Variants in TENM3 observed in about 807,000 individuals in gnomAD.
TENM3 encodes the protein teneurin transmembrane protein 3, also known as teneurin-3.
In TENM3, 63 loss-of-function variants were observed where a neutral mutation model predicts 255.1. The observed-to-expected ratio is 0.25, with a 90% CI of 0.20 to 0.30. The LOEUF is 0.30. TENM3 is among the 10% of genes least tolerant of loss of function. The pLI, the probability that TENM3 is intolerant of heterozygous loss-of-function variation, is 1.00. For missense variants in TENM3, 2,929 were observed against 3,461.1 expected, an observed-to-expected ratio of 0.85 and a Z score of 3.86; for synonymous variants, 1,306 against 1,322.3, an observed-to-expected ratio of 0.99 and a Z score of 0.27.
chr4:181,579,428 C>T, the TENM3 span, among the ~76,000 whole-genome samples: 8 of 152,118 alleles, frequency 5.3e-5, no homozygotes, highest in Non-Finnish European at 1.2e-4. Flanking sequence ...TACTTTTTCC[C>T]ATAATATTCC....
At chr4:181,769,593 A>C in the TENM3 span, among the ~76,000 whole-genome samples, 1 of 152,244 alleles carries the variant, frequency 6.6e-6, no homozygotes, top group South Asian at 2.1e-4. Flanking sequence ...TCAATGGGTT[A>C]AAACATTAAA....
chr4:182,705,239 C>T (rs929887131), intron 12 of TENM3, among the ~76,000 whole-genome samples: 5 of 152,178 alleles, frequency 3.3e-5, no homozygotes, highest in African/African-American at 9.7e-5. Context: ...ATGATACCTA[C>T]TTACAACTTT....
At chr4:181,567,450 A>G in the TENM3 span, among the ~76,000 whole-genome samples, 1 of 152,232 alleles carries the variant, frequency 6.6e-6, no homozygotes, top group Non-Finnish European at 1.5e-5. Context: ...TAACTCTAAC[A>G]TAAATTATTT....
the TENM3 span, among the ~76,000 whole-genome samples, chr4:181,767,727 T>C: frequency 6.6e-6 from 1 of 152,146 alleles, no homozygotes; most frequent in East Asian, 1.9e-4. Flanking sequence ...ACCACAGTTT[T>C]GGGAAATATT....
At chr4:181,596,162 C>A in the TENM3 span, among the ~76,000 whole-genome samples, 3 of 152,134 alleles carry the variant, frequency 2.0e-5, no homozygotes, top group African/African-American at 7.2e-5. Context: ...TAACTGAAGT[C>A]TTGTTTTTGT....
At chr4:182,200,152 TA>T (rs1320743506) in intron 1 of TENM3, among the ~76,000 whole-genome samples, 1 of 152,106 alleles carries the variant, frequency 6.6e-6, no homozygotes, top group African/African-American at 2.4e-5. Context: ...AAATGATACA[TA>T]GGGGGCGGAA....
At chr4:182,140,996 C>A (rs952459911), upstream of TENM3, among the ~76,000 whole-genome samples, 1 of 150,110 alleles carries the variant, frequency 6.7e-6, no homozygotes, top group Non-Finnish European at 1.5e-5. Flanking sequence ...TCCCTCCCCC[C>A]CGCCCCCCAG....
the TENM3 span, among the ~76,000 whole-genome samples, chr4:181,757,431 G>C: frequency 6.6e-6 from 1 of 152,188 alleles, no homozygotes; most frequent in African/African-American, 2.4e-5. Context: ...GTCCAAAAGG[G>C]AAGGTGTAAT....
chr4:181,957,062 G>A, the TENM3 span, among the ~76,000 whole-genome samples: 5 of 152,068 alleles, frequency 3.3e-5, no homozygotes, highest in African/African-American at 1.2e-4. Context: ...GATTTCAGTT[G>A]GCATTGCTGG....
chr4:181,818,107 ACTCTT>A, the TENM3 span, among the ~76,000 whole-genome samples: 1 of 151,868 alleles, frequency 6.6e-6, no homozygotes, highest in Non-Finnish European at 1.5e-5. Flanking sequence ...TAGTTGTACT[ACTCTT>A]CTGGGATTGA....
chr4:182,029,624 A>T, the TENM3 span, among the ~76,000 whole-genome samples: 1 of 152,106 alleles, frequency 6.6e-6, no homozygotes, highest in East Asian at 1.9e-4. Flanking sequence ...CTTGAAATCT[A>T]TTTTGTCTGA....
the TENM3 span, among the ~76,000 whole-genome samples, chr4:181,810,479 G>A: frequency 1.3e-5 from 2 of 151,810 alleles, no homozygotes; most frequent in Non-Finnish European, 2.9e-5. Flanking sequence ...TTTCTGCTTG[G>A]GGGGTAGTGA....
rs758005185 is a variant in TENM3, at chr4:182,752,068, T to C, written c.3862+36T>C. The C allele has an allele frequency of 2.5e-5, 31 of 1,227,186 alleles. No individual in the cohort carries two copies. The South Asian group carries it at 5.4e-4, about 21-fold the overall frequency. 76.0% of individuals were successfully genotyped at this position (1,227,186 alleles called of 1,614,324 possible). A position where few individuals can be genotyped will look rare whatever the true frequency, so the allele number is the denominator to read the frequency against. On this transcript the variant is annotated intron_variant, in intron 20 of 27. Transcript: ENST00000511685. ...TTGGCGATTTGAGGATTTCTTTTTA[T>C]TTATTAAAAAAAAAAAAAAAGGGGT... is the stretch of plus-strand genomic sequence containing the variant.
At chr4:181,709,494 A>G in the TENM3 span, among the ~76,000 whole-genome samples, 4 of 152,240 alleles carry the variant, frequency 2.6e-5, no homozygotes, top group Non-Finnish European at 5.9e-5. Context: ...CTAAAAGTTT[A>G]ATAGTGAACA....
At chr4:182,795,896 CT>C in intron 26 of TENM3, among the ~76,000 whole-genome samples, 1 of 152,350 alleles carries the variant, frequency 6.6e-6, no homozygotes, top group Admixed American at 6.5e-5. Flanking sequence ...TGCAAGCCTG[CT>C]GAGTAGTTCT....
At position 182,461,842 on chromosome 4, in the gene TENM3, T is replaced by G. The variant is rs568976558; in HGVS notation, c.511+114913T>G. On this transcript the variant is annotated intron_variant, in intron 3 of 27. Coordinates refer to ENST00000511685, the MANE Select transcript of TENM3 (RefSeq NM_001080477.4). ...ATGAGACCCAGAAAGACCAAGTGAC[T>G]GTTTTGAATTCACACAGCTAAGATA... Among the ~76,000 whole-genome samples, 23 of 152,322 alleles carry G rather than the reference T, an allele frequency of 1.5e-4. No homozygotes were observed. In the South Asian group the frequency reaches 4.8e-3, roughly 32 times the overall value.
intron 2 of TENM3, among the ~76,000 whole-genome samples, chr4:182,342,409 T>G (rs1764540492): frequency 6.6e-6 from 1 of 152,100 alleles, no homozygotes; most frequent in African/African-American, 2.4e-5. Context: ...TGGATCTTCT[T>G]TATTTGAAAT....
intron 18 of TENM3, among the ~76,000 whole-genome samples, chr4:182,739,892 C>A (rs897010872): frequency 3.3e-5 from 5 of 152,032 alleles, no homozygotes; most frequent in Non-Finnish European, 7.4e-5. Context: ...AAAAATTAGC[C>A]ATGTGTGGTG....
chr4:181,851,888 G>A, the TENM3 span, among the ~76,000 whole-genome samples: 1 of 152,004 alleles, frequency 6.6e-6, no homozygotes, highest in Admixed American at 6.6e-5. Context: ...CAAGCTGTTT[G>A]CCCCTTGACA....
Sources: allele counts gnomAD v4.1 joint callset (sites outside exome capture counted in the v4.1 genomes callset), GRCh38; gene constraint gnomAD v4.1.1; transcripts MANE v1.5; gene names NCBI Gene and HGNC (gene_info 2026-07-23, HGNC 2026-07-21).